The following ANXA10 variants were observed in gnomAD, a reference collection of about 807,000 sequenced individuals.
ANXA10 encodes annexin A10.
ANXA10 carries 49 observed loss-of-function variants against 53.5 expected under a neutral mutation model. The observed-to-expected ratio is 0.92, with a 90% CI of 0.73 to 1.16. The LOEUF is 1.16. Ranked by LOEUF, ANXA10 falls within the 50% of genes most tolerant of loss-of-function variation. ANXA10 has a pLI of 0.00. For synonymous variants in ANXA10, 131 were observed against 128.9 expected, an observed-to-expected ratio of 1.02 and a Z score of -0.11; for missense variants, 393 against 394.4, an observed-to-expected ratio of 1.00 and a Z score of 0.03.
chr4:168,181,208 A>G (rs957713878), intron 9 of ANXA10, among the ~76,000 whole-genome samples: 4 of 151,862 alleles, frequency 2.6e-5, no homozygotes, highest in Non-Finnish European at 5.9e-5. Flanking sequence ...TGGCTAACAC[A>G]GTGAAACCCC....
chr4:168,167,544 T>G (rs1158703159), intron 6 of ANXA10, among the ~76,000 whole-genome samples: 3 of 152,238 alleles, frequency 2.0e-5, no homozygotes, highest in Non-Finnish European at 4.4e-5. Context: ...TATATCCTTG[T>G]ACCACTTTCA....
At chr4:168,159,065 C>A (rs529269512) in intron 3 of ANXA10, among the ~76,000 whole-genome samples, 1 of 152,288 alleles carries the variant, frequency 6.6e-6, no homozygotes, top group African/African-American at 2.4e-5. Flanking sequence ...AACCATGAGA[C>A]AATTAAACCT....
chr4:168,101,237 T>G (rs1730633989), intron 1 of ANXA10, among the ~76,000 whole-genome samples: 2 of 152,032 alleles, frequency 1.3e-5, no homozygotes. Flanking sequence ...TGGCTGCCCC[T>G]TTGCCCTCCT....
chr4:168,141,257 C>T (rs375483607), intron 3 of ANXA10, among the ~76,000 whole-genome samples: 28 of 152,302 alleles, frequency 1.8e-4, no homozygotes, highest in African/African-American at 6.5e-4. Flanking sequence ...TCATGTTTGC[C>T]TCTTTCCTCT....
intron 1 of ANXA10, among the ~76,000 whole-genome samples, chr4:168,123,742 AT>A (rs200748174): frequency 2.0e-5 from 3 of 151,348 alleles, no homozygotes; most frequent in East Asian, 3.9e-4. Context: ...TCAGCATGTT[AT>A]TTTTTTTTCA....
At chr4:168,096,579 G>T (rs1051591810) in intron 1 of ANXA10, among the ~76,000 whole-genome samples, 1 of 152,050 alleles carries the variant, frequency 6.6e-6, no homozygotes, top group African/African-American at 2.4e-5. Flanking sequence ...TAGCGTAGTG[G>T]CTAAAGATAC....
At chr4:168,107,630 T>C (rs549144403) in intron 1 of ANXA10, among the ~76,000 whole-genome samples, 9 of 152,296 alleles carry the variant, frequency 5.9e-5, no homozygotes, top group Non-Finnish European at 1.0e-4. Flanking sequence ...AATTTATTTA[T>C]CACAGTTCTG....
At chr4:168,156,192 A>ATATATTATATAT (rs1363601987) in intron 3 of ANXA10, among the ~76,000 whole-genome samples, 2 of 28,746 alleles carry the variant, frequency 7.0e-5, no homozygotes, top group Non-Finnish European at 1.1e-4. Context: ...ATTATATATT[A>ATATATTATATAT]TATATAATAT....
Position 168,092,692 on chromosome 4 carries a change from A to G in ANXA10, c.-9A>G, listed in dbSNP as rs1579194519. 1 of 1,592,928 alleles carries G rather than the reference A, an allele frequency of 6.3e-7. No homozygotes were observed. The highest frequency in any genetic ancestry group is 8.5e-7 in the Non-Finnish European group (1 of 1,170,780). On this transcript the variant is annotated 5_prime_UTR_variant, in exon 1 of 12. Transcript: ENST00000359299. ...ATTTTCATCCCTGAGGTTAACAATT[A>G]CCATCAAAATGTTTTGTGGAGACTA...
At chr4:168,147,913 G>A (rs1403545012) in intron 3 of ANXA10, among the ~76,000 whole-genome samples, 1 of 152,184 alleles carries the variant, frequency 6.6e-6, no homozygotes, top group Non-Finnish European at 1.5e-5. Flanking sequence ...AAGTTCAGGG[G>A]ACATGAGGGA....
At chr4:168,171,059 C>T (rs1731975759) in intron 6 of ANXA10, among the ~76,000 whole-genome samples, 1 of 152,054 alleles carries the variant, frequency 6.6e-6, no homozygotes, top group African/African-American at 2.4e-5. Context: ...GGATTTGGAT[C>T]AGTAAATTCA....
At chr4:168,155,640 A>G (rs1423422350) in intron 3 of ANXA10, among the ~76,000 whole-genome samples, 1 of 76,292 alleles carries the variant, frequency 1.3e-5, no homozygotes, top group Non-Finnish European at 2.3e-5. Flanking sequence ...ATAATTATAT[A>G]TAATTATACA....
At chr4:168,183,083 G>A (rs1202917374) in intron 10 of ANXA10, among the ~76,000 whole-genome samples, 10 of 150,738 alleles carry the variant, frequency 6.6e-5, no homozygotes, top group Non-Finnish European at 1.5e-4. Flanking sequence ...ACATGTCGTA[G>A]CCTTGAAAAC....
intron 1 of ANXA10, among the ~76,000 whole-genome samples, chr4:168,109,692 A>G (rs1200659584): frequency 6.6e-6 from 1 of 152,048 alleles, no homozygotes; most frequent in Non-Finnish European, 1.5e-5. Flanking sequence ...ATAACTGCAG[A>G]CTCCTTACCA....
At chr4:168,166,417 T>C (rs1731878738) in intron 6 of ANXA10, among the ~76,000 whole-genome samples, 1 of 152,210 alleles carries the variant, frequency 6.6e-6, no homozygotes, top group East Asian at 1.9e-4. Flanking sequence ...ATATTAGCAT[T>C]GTAATACAAA....
At chr4:168,127,768 A>C (rs1245561606) in intron 1 of ANXA10, 1 of 539,308 alleles carries the variant, frequency 1.9e-6, no homozygotes, top group Non-Finnish European at 3.5e-6. Flanking sequence ...TAATTTAAAC[A>C]CACAGAATAT....
chr4:168,136,835 C>G (rs973357303), intron 2 of ANXA10, among the ~76,000 whole-genome samples: 6 of 152,268 alleles, frequency 3.9e-5, no homozygotes, highest in Non-Finnish European at 7.3e-5. Flanking sequence ...TTCCCCCACA[C>G]TGCCTTAGTA....
At chr4:168,148,455 G>A (rs1024787489) in intron 3 of ANXA10, among the ~76,000 whole-genome samples, 12 of 152,126 alleles carry the variant, frequency 7.9e-5, no homozygotes, top group South Asian at 4.1e-4. Flanking sequence ...ATGAGCCACC[G>A]TGCCTGGCCA....
At chr4:168,152,090 A>AGCTTAG (rs1436267823) in intron 3 of ANXA10, among the ~76,000 whole-genome samples, 5 of 152,230 alleles carry the variant, frequency 3.3e-5, no homozygotes, top group African/African-American at 1.2e-4. Flanking sequence ...TGCATGATGG[A>AGCTTAG]GCTTACATTC....
Sources: gnomAD v4.1 joint callset for allele counts (sites outside exome capture counted in the v4.1 genomes callset) on GRCh38, gnomAD v4.1.1 for gene constraint, MANE v1.5 for transcripts, NCBI Gene and HGNC (gene_info 2026-07-23, HGNC 2026-07-21) for gene names.